The following HPSE2 variants were observed in gnomAD, a reference collection of about 807,000 sequenced individuals.
The protein encoded by HPSE2 is inactive heparanase-2.
In HPSE2, 38 loss-of-function variants were observed where a neutral mutation model predicts 60.5. The ratio of observed to expected loss-of-function variants is 0.63; its 90% CI spans 0.48 to 0.82. The LOEUF is 0.82. Among genes scored for constraint, HPSE2 ranks in the 40% least tolerant of loss-of-function variants. The probability of loss-of-function intolerance (pLI) is 0.00; values close to 1 mark genes in which losing one functional copy is unlikely to be tolerated. For synonymous variants in HPSE2, 295 were observed against 293.2 expected, an observed-to-expected ratio of 1.01 and a Z score of -0.06; for missense variants, 713 against 740.4, an observed-to-expected ratio of 0.96 and a Z score of 0.43.
chr10:98,611,094 G>A (rs970619207), intron 9 of HPSE2, among the ~76,000 whole-genome samples: 2 of 152,218 alleles, frequency 1.3e-5, no homozygotes, highest in Admixed American at 6.5e-5. Flanking sequence ...CCAGTGTTGG[G>A]GGGGGCCAGG....
At chr10:99,164,608 T>C (rs1846991258) in intron 2 of HPSE2, among the ~76,000 whole-genome samples, 2 of 152,052 alleles carry the variant, frequency 1.3e-5, no homozygotes, top group African/African-American at 4.8e-5. Flanking sequence ...CCCTCTCAAG[T>C]AGAAAGAGCT....
intron 3 of HPSE2, among the ~76,000 whole-genome samples, chr10:99,030,492 A>G (rs988686253): frequency 3.9e-5 from 6 of 152,236 alleles, no homozygotes; most frequent in African/African-American, 1.4e-4. Flanking sequence ...AGGCAATAAC[A>G]CATGCTGATA....
At chr10:98,647,361 A>G (rs1946797777) in intron 6 of HPSE2, among the ~76,000 whole-genome samples, 1 of 152,086 alleles carries the variant, frequency 6.6e-6, no homozygotes, top group African/African-American at 2.4e-5. Flanking sequence ...TTTAAAAAGA[A>G]AAACCTTTGC....
At chr10:99,048,417 G>T in intron 3 of HPSE2, 1 of 251,032 alleles carries the variant, frequency 4.0e-6, no homozygotes, top group Non-Finnish European at 7.7e-6. Flanking sequence ...AAGGGGCAAA[G>T]GACATTAACA....
chr10:98,539,904 T>C (rs1265488922), intron 9 of HPSE2, among the ~76,000 whole-genome samples: 1 of 152,232 alleles, frequency 6.6e-6, no homozygotes, highest in Non-Finnish European at 1.5e-5. Context: ...CCCTGCACCC[T>C]TCAACAGTCT....
intron 9 of HPSE2, 79 bp downstream of exon 9, chr10:98,614,825 C>A: frequency 1.0e-6 from 1 of 952,742 alleles, no homozygotes; most frequent in Admixed American, 1.7e-5. Context: ...GAAAAATATT[C>A]TCCTAGTATG....
chr10:98,992,136 A>T (rs976471725), intron 3 of HPSE2, among the ~76,000 whole-genome samples: 2 of 152,208 alleles, frequency 1.3e-5, no homozygotes, highest in Non-Finnish European at 1.5e-5. Context: ...GGATAAACTC[A>T]TATGTAAGGC....
chr10:98,927,161 G>A (rs1361165842), intron 3 of HPSE2, among the ~76,000 whole-genome samples: 1 of 151,862 alleles, frequency 6.6e-6, no homozygotes, highest in African/African-American at 2.4e-5. Flanking sequence ...GGGTATCCTT[G>A]TTGACTTTCT....
chr10:99,054,176 G>A lies in HPSE2; in HGVS notation c.610+90062C>T, dbSNP rs117444284. Among the ~76,000 whole-genome samples the A allele has an allele frequency of 7.0e-3, 1,065 of 152,212 alleles. 6 individuals carry two copies. The highest frequency in any genetic ancestry group is 0.012 in the Non-Finnish European group (798 of 68,018). ...GGCTATGAAGAGAAGGGAGACCCAG[G>A]AGTTTACATGGAAAATTGCATGTGA... is the stretch of plus-strand genomic sequence containing the variant. On this transcript the variant is annotated intron_variant, in intron 3 of 11. Coordinates refer to ENST00000370552, the MANE Select transcript of HPSE2 (RefSeq NM_021828.5).
chr10:98,461,677 T>C (rs1217729106), intron 11 of HPSE2: 7 of 928,712 alleles, frequency 7.5e-6, no homozygotes, highest in Non-Finnish European at 8.4e-6. Flanking sequence ...TTCTAAGGCA[T>C]ACTCAAATTT....
intron 3 of HPSE2, among the ~76,000 whole-genome samples, chr10:99,099,499 T>C (rs1225282671): frequency 6.6e-6 from 1 of 152,188 alleles, no homozygotes; most frequent in Non-Finnish European, 1.5e-5. Context: ...GGCTGGAAGC[T>C]TGAACTGGGT....
At chr10:98,482,365 C>T (rs987148600) in intron 11 of HPSE2, among the ~76,000 whole-genome samples, 6 of 152,156 alleles carry the variant, frequency 3.9e-5, no homozygotes, top group Admixed American at 6.5e-5. Flanking sequence ...TTGTGTATAA[C>T]GAAGAATCAT....
chr10:99,249,907 G>T, the HPSE2 span, among the ~76,000 whole-genome samples: 1 of 152,060 alleles, frequency 6.6e-6, no homozygotes, highest in Non-Finnish European at 1.5e-5. Context: ...ATTTTGGGAA[G>T]CTGAGGCAGG....
At chr10:98,862,703 A>T (rs913425260) in intron 3 of HPSE2, among the ~76,000 whole-genome samples, 1 of 152,176 alleles carries the variant, frequency 6.6e-6, no homozygotes, top group Non-Finnish European at 1.5e-5. Context: ...TAGGCAAGAG[A>T]CAACTATTAA....
chr10:98,888,041 A>G (rs1255214903), intron 3 of HPSE2, among the ~76,000 whole-genome samples: 1 of 151,960 alleles, frequency 6.6e-6, no homozygotes, highest in Admixed American at 6.6e-5. Context: ...ACCTTTAAAT[A>G]ACATAAAGAA....
intron 3 of HPSE2, among the ~76,000 whole-genome samples, chr10:98,949,868 T>G (rs968076971): frequency 6.6e-6 from 1 of 151,978 alleles, no homozygotes; most frequent in East Asian, 1.9e-4. Context: ...AAAGGAAAGA[T>G]ATATAAAAAG....
chr10:99,233,535 GAT>G (rs1312771211), intron 1 of HPSE2, among the ~76,000 whole-genome samples: 1 of 152,204 alleles, frequency 6.6e-6, no homozygotes, highest in Non-Finnish European at 1.5e-5. Context: ...TGCAGATACT[GAT>G]AATGCAGAGG....
the HPSE2 span, among the ~76,000 whole-genome samples, chr10:99,243,768 T>C: frequency 6.6e-6 from 1 of 152,036 alleles, no homozygotes; most frequent in African/African-American, 2.4e-5. Context: ...AAACCCCATC[T>C]CTACTAAAAG....
At chr10:98,918,336 T>A (rs569620981) in intron 3 of HPSE2, among the ~76,000 whole-genome samples, 61 of 152,142 alleles carry the variant, frequency 4.0e-4, no homozygotes, top group African/African-American at 1.4e-3. Context: ...TGGGTATATA[T>A]CCAAAGGATT....
Sources: allele counts gnomAD v4.1 joint callset (sites outside exome capture counted in the v4.1 genomes callset), GRCh38; gene constraint gnomAD v4.1.1; transcripts MANE v1.5; gene names NCBI Gene and HGNC (gene_info 2026-07-23, HGNC 2026-07-21).